The following ERC2 variants were observed in gnomAD, a reference collection of about 807,000 sequenced individuals.
The protein encoded by ERC2 is ELKS/RAB6-interacting/CAST family member 2, also known as ERC protein 2.
In ERC2, 42 loss-of-function variants were observed where a neutral mutation model predicts 114.8. The observed-to-expected ratio is 0.37, with a 90% CI of 0.29 to 0.47. The LOEUF (loss-of-function observed/expected upper bound fraction) is 0.47. ERC2 is among the 20% of genes least tolerant of loss of function. The pLI, the probability that ERC2 is intolerant of heterozygous loss-of-function variation, is 0.99. For missense variants in ERC2, 939 were observed against 1,150.7 expected (o/e 0.82, Z 2.66); for synonymous variants, 454 against 425.5 (o/e 1.07, Z -0.82).
At chr3:55,833,516 A>T (rs2149194300) in intron 14 of ERC2, among the ~76,000 whole-genome samples, 1 of 152,324 alleles carries the variant, frequency 6.6e-6, no homozygotes, top group South Asian at 2.1e-4. Flanking sequence ...ACTAAGCTTC[A>T]GAAGTGAAGG....
intron 15 of ERC2, among the ~76,000 whole-genome samples, chr3:55,734,527 GC>G (rs1440453868): frequency 6.6e-6 from 1 of 152,130 alleles, no homozygotes; most frequent in Non-Finnish European, 1.5e-5. Context: ...GGGAGATGAC[GC>G]TGACACAAAA....
chr3:56,404,851 T>A (rs1456357479), intron 2 of ERC2, among the ~76,000 whole-genome samples: 3 of 152,098 alleles, frequency 2.0e-5, no homozygotes, highest in Non-Finnish European at 2.9e-5. Context: ...AGTGATACAA[T>A]CAACATGCTG....
chr3:56,182,290 A>G (rs901625107), intron 3 of ERC2, among the ~76,000 whole-genome samples: 3 of 152,212 alleles, frequency 2.0e-5, no homozygotes, highest in Admixed American at 6.5e-5. Flanking sequence ...AAACTCCATG[A>G]GAACAGTGAC....
chr3:55,899,723 G>A (rs1463628704), intron 13 of ERC2, among the ~76,000 whole-genome samples: 1 of 152,064 alleles, frequency 6.6e-6, no homozygotes, highest in Non-Finnish European at 1.5e-5. Context: ...GGATTTTTTT[G>A]CATATTCGTA....
intron 4 of ERC2, among the ~76,000 whole-genome samples, chr3:56,151,495 C>T (rs558340857): frequency 6.6e-6 from 1 of 152,226 alleles, no homozygotes; most frequent in African/African-American, 2.4e-5. Context: ...ACAAAAAATA[C>T]AGATATATCA....
intron 3 of ERC2, among the ~76,000 whole-genome samples, chr3:56,211,806 C>T (rs1006064107): frequency 8.5e-5 from 13 of 152,090 alleles, no homozygotes; most frequent in Admixed American, 2.6e-4. Flanking sequence ...CAAATACTTA[C>T]GGCCAACTGA....
At chr3:56,192,554 G>T (rs192736526) in intron 3 of ERC2, among the ~76,000 whole-genome samples, 115 of 152,048 alleles carry the variant, frequency 7.6e-4, no homozygotes, top group African/African-American at 2.7e-3. Context: ...GAGAATTCAT[G>T]AAATTTTACT....
At chr3:56,443,659 CTT>C (rs534626974) in intron 1 of ERC2, among the ~76,000 whole-genome samples, 4 of 143,760 alleles carry the variant, frequency 2.8e-5, no homozygotes. Flanking sequence ...GACACTTGGG[CTT>C]TTTTTTTTTG....
At chr3:55,584,188 A>AG (rs1160379557) in intron 17 of ERC2, among the ~76,000 whole-genome samples, 2 of 152,166 alleles carry the variant, frequency 1.3e-5, no homozygotes, top group Non-Finnish European at 2.9e-5. Context: ...TGAAGAGCTT[A>AG]GGCCCTGGAG....
At chr3:56,350,185 G>A (rs1256941113) in intron 2 of ERC2, among the ~76,000 whole-genome samples, 1 of 152,160 alleles carries the variant, frequency 6.6e-6, no homozygotes, top group East Asian at 1.9e-4. Flanking sequence ...ATCCCAACAT[G>A]TCACTGTGTG....
At chr3:56,104,758 C>T (rs986317525) in intron 6 of ERC2, among the ~76,000 whole-genome samples, 5 of 151,990 alleles carry the variant, frequency 3.3e-5, no homozygotes, top group African/African-American at 9.7e-5. Flanking sequence ...AAAAATATTC[C>T]TGGGGTACCT....
At chr3:55,961,984 T>C (rs2068416931) in intron 12 of ERC2, among the ~76,000 whole-genome samples, 1 of 152,156 alleles carries the variant, frequency 6.6e-6, no homozygotes, top group Non-Finnish European at 1.5e-5. Context: ...ATTTGCACCC[T>C]GACATGCCAA....
intron 14 of ERC2, among the ~76,000 whole-genome samples, chr3:55,757,453 T>C (rs2067134265): frequency 6.6e-6 from 1 of 152,174 alleles, no homozygotes; most frequent in Non-Finnish European, 1.5e-5. Context: ...TAAATCATTA[T>C]AATAAAATTA....
At chr3:56,223,059 C>A (rs1189974864) in intron 3 of ERC2, among the ~76,000 whole-genome samples, 1 of 152,244 alleles carries the variant, frequency 6.6e-6, no homozygotes, top group South Asian at 2.1e-4. Context: ...ACTGTGCCAC[C>A]ACAGACCAAG....
At chr3:56,330,874 A>C (rs1479679873) in intron 2 of ERC2, among the ~76,000 whole-genome samples, 1 of 152,204 alleles carries the variant, frequency 6.6e-6, no homozygotes, top group Non-Finnish European at 1.5e-5. Context: ...CTTCCTGTGC[A>C]TGACCTCCTT....
In ERC2 at chr3:56,108,114, C is replaced by T. The variant is rs546813084; in HGVS notation, c.1474-27130G>A. 2.5e-3 allele frequency among the ~76,000 whole-genome samples: 382 copies of T among 152,222 alleles called. 1 individual carries two copies. Among genetic ancestry groups the T allele is most frequent in the Middle Eastern group, 6.8e-3 (2 of 294 alleles). ...CTAAGACACTTTATTAACAGAAATA[C>T]CACATCAATAAGCAAAGTAAGAAAA... On this transcript the variant is annotated intron_variant, in intron 6 of 17. Coordinates refer to ENST00000288221, the MANE Select transcript of ERC2 (RefSeq NM_015576.3).
chr3:55,611,321 G>A (rs540100384), intron 17 of ERC2, among the ~76,000 whole-genome samples: 2 of 152,112 alleles, frequency 1.3e-5, no homozygotes, highest in Non-Finnish European at 2.9e-5. Context: ...GAGCTAATTA[G>A]TTGTATCTAC....
intron 2 of ERC2, among the ~76,000 whole-genome samples, chr3:56,401,016 G>A (rs915249759): frequency 6.6e-6 from 1 of 152,210 alleles, no homozygotes; most frequent in Non-Finnish European, 1.5e-5. Flanking sequence ...ACTAGCAATT[G>A]CATGAAAAGG....
intron 2 of ERC2, among the ~76,000 whole-genome samples, chr3:56,336,206 C>T (rs1280265932): frequency 6.6e-6 from 1 of 152,064 alleles, no homozygotes; most frequent in African/African-American, 2.4e-5. Flanking sequence ...TGTGTGGCCC[C>T]GGGCAAGTTA....
Sources: allele counts gnomAD v4.1 joint callset (sites outside exome capture counted in the v4.1 genomes callset), GRCh38; gene constraint gnomAD v4.1.1; transcripts MANE v1.5; gene names NCBI Gene and HGNC (gene_info 2026-07-23, HGNC 2026-07-21).